COLGALT2: variants seen among roughly 807,000 people sequenced by gnomAD.
The protein encoded by COLGALT2 is collagen beta(1-O)galactosyltransferase 2, also known as procollagen galactosyltransferase 2.
Under a neutral mutation model 73.4 loss-of-function variants are expected in COLGALT2, and 49 were observed. The ratio of observed to expected loss-of-function variants is 0.67; its 90% CI spans 0.53 to 0.85. The LOEUF (loss-of-function observed/expected upper bound fraction) is 0.85. COLGALT2 is among the 40% of genes least tolerant of loss of function. The probability of loss-of-function intolerance (pLI) is 0.00; values close to 1 mark genes in which losing one functional copy is unlikely to be tolerated. For synonymous variants in COLGALT2, 295 were observed against 307.6 expected, an observed-to-expected ratio of 0.96 and a Z score of 0.43; for missense variants, 722 against 790.2, an observed-to-expected ratio of 0.91 and a Z score of 1.03.
intron 1 of COLGALT2, among the ~76,000 whole-genome samples, chr1:184,000,609 C>T (rs892930020): frequency 1.4e-5 from 2 of 143,634 alleles, no homozygotes; most frequent in Admixed American, 1.4e-4. Context: ...GATCCACCCA[C>T]GTGTTTAACA....
intron 6 of COLGALT2, among the ~76,000 whole-genome samples, chr1:183,959,224 C>T (rs2102803142): frequency 6.6e-6 from 1 of 152,252 alleles, no homozygotes; most frequent in Non-Finnish European, 1.5e-5. Context: ...ATCCTGTGTT[C>T]TTTTACTACA....
At chr1:183,978,869 T>G (rs1389246289) in intron 1 of COLGALT2, among the ~76,000 whole-genome samples, 1 of 152,212 alleles carries the variant, frequency 6.6e-6, no homozygotes, top group Non-Finnish European at 1.5e-5. Flanking sequence ...TTTCTATATG[T>G]TTTAACTTTC....
chr1:183,969,210 A>T, intron 5 of COLGALT2, 59 bp downstream of exon 5: 1 of 1,405,512 alleles, frequency 7.1e-7, no homozygotes, highest in Non-Finnish European at 9.7e-7. Context: ...CACAAAACAA[A>T]GGAGCTGGTC....
chr1:183,989,577 C>T (rs1572660437), intron 1 of COLGALT2, among the ~76,000 whole-genome samples: 1 of 152,150 alleles, frequency 6.6e-6, no homozygotes, highest in East Asian at 1.9e-4. Flanking sequence ...AAGGAAGTGT[C>T]CATGTTCTGT....
chr1:183,975,865 C>T (rs1310301925), intron 2 of COLGALT2, among the ~76,000 whole-genome samples: 3 of 152,214 alleles, frequency 2.0e-5, no homozygotes, highest in Non-Finnish European at 2.9e-5. Flanking sequence ...CTGGCACGGA[C>T]ATTGATACTG....
At chr1:183,957,613 T>G (rs1183758780) in intron 6 of COLGALT2, among the ~76,000 whole-genome samples, 3 of 152,188 alleles carry the variant, frequency 2.0e-5, no homozygotes, top group Non-Finnish European at 2.9e-5. Context: ...GCTCTCAGTC[T>G]TTCCTATTCT....
chr1:183,949,803 A>T (rs1334086224), intron 8 of COLGALT2, among the ~76,000 whole-genome samples: 1 of 152,212 alleles, frequency 6.6e-6, no homozygotes, highest in Non-Finnish European at 1.5e-5. Flanking sequence ...ATAATGCATA[A>T]AGTTAAAGAA....
intron 1 of COLGALT2, among the ~76,000 whole-genome samples, chr1:184,033,824 A>G (rs1012142509): frequency 6.6e-6 from 1 of 152,214 alleles, no homozygotes; most frequent in Non-Finnish European, 1.5e-5. Flanking sequence ...TGAGTGGATG[A>G]ATGAGAAGAG....
At chr1:183,959,062 A>G (rs1469778439) in intron 6 of COLGALT2, among the ~76,000 whole-genome samples, 2 of 152,098 alleles carry the variant, frequency 1.3e-5, no homozygotes, top group Non-Finnish European at 2.9e-5. Flanking sequence ...AGGTCATCAC[A>G]GACCTCTCTC....
intron 1 of COLGALT2, among the ~76,000 whole-genome samples, chr1:184,009,826 G>A (rs1418270790): frequency 6.6e-6 from 1 of 152,138 alleles, no homozygotes; most frequent in African/African-American, 2.4e-5. Context: ...CTGCCTCTTG[G>A]TCATAATTTC....
At position 183,940,698 on chromosome 1, in the gene COLGALT2, C is replaced by T. The variant is rs1216608325; in HGVS notation, c.1487G>A (p.Trp496Ter). Residue 496 changes from tryptophan (W) to a stop codon, truncating the protein, a stop_gained, in exon 11 of 12, where the codon TGG becomes TAG. Transcript: ENST00000361927. LOFTEE classifies it high-confidence loss of function. ...CAGAGAGATGACGTAGCCCAGGGTC[C>T]AGTAGGAATAGTCGGCTTCGACCAG... is the stretch of plus-strand genomic sequence containing the variant. Reference protein sequence around the residue: ...ANLVEADYSYWTLGYVISLEG... With the variant: ...ANLVEADYSY The T allele has an allele frequency of 1.9e-6, 3 of 1,614,110 alleles. No individual in the cohort carries two copies. The highest frequency in any genetic ancestry group is 2.5e-6 in the Non-Finnish European group (3 of 1,180,046).
Position 183,939,037 on chromosome 1 carries a change from T to C in COLGALT2, c.1605A>G (p.Val535=). 1 of 1,606,810 alleles carries C rather than the reference T, an allele frequency of 6.2e-7. No individual in the cohort carries two copies. The highest frequency in any genetic ancestry group is 8.5e-7 in the Non-Finnish European group (1 of 1,173,990). Residue 535 remains valine, a splice_region_variant and synonymous_variant, in exon 12 of 12, where the codon GTA becomes GTG. Coordinates refer to ENST00000361927, the MANE Select transcript of COLGALT2 (RefSeq NM_015101.4). The stretch of plus-strand genomic sequence containing the variant: ...ATTCATAATACTCCTTGTACTCGGC[T>C]CTGAAAACAAGAAGGTGGCCGGACA... ...FLPVMYNKHP[V]AEYKEYYESR...
rs1487560870 is a variant in COLGALT2, at chr1:183,936,328, C to T, written c.*2433G>A. The stretch of plus-strand genomic sequence containing the variant: ...GATGACTTTAAAAAAAAAGTCACAT[C>T]TGCGGCTCACAGTGTTCACCAGAAA... On this transcript the variant is annotated 3_prime_UTR_variant, in exon 12 of 12. Coordinates refer to ENST00000361927, the MANE Select transcript of COLGALT2 (RefSeq NM_015101.4). 1.4e-5 allele frequency: 14 copies of T among 981,020 alleles called. No individual in the cohort carries two copies. The highest frequency in any genetic ancestry group is 1.6e-5 in the Non-Finnish European group (13 of 827,652). 60.8% of individuals were successfully genotyped at this position (981,020 alleles called of 1,614,324 possible).
At chr1:183,969,071 G>C (rs111650601) in intron 5 of COLGALT2, among the ~76,000 whole-genome samples, 198 bp downstream of exon 5, 1 of 152,030 alleles carries the variant, frequency 6.6e-6, no homozygotes, top group African/African-American at 2.4e-5. Context: ...CCTGGGTAGA[G>C]GCCAGCCCTG....
intron 5 of COLGALT2, among the ~76,000 whole-genome samples, chr1:183,967,507 C>G (rs1670912085): frequency 6.6e-6 from 1 of 152,220 alleles, no homozygotes; most frequent in South Asian, 2.1e-4. Context: ...ACAGGCCAAG[C>G]ACAGGGCAGA....
intron 10 of COLGALT2, among the ~76,000 whole-genome samples, chr1:183,943,195 T>C (rs1164119212): frequency 1.3e-5 from 2 of 152,162 alleles, no homozygotes; most frequent in Non-Finnish European, 2.9e-5. Flanking sequence ...CATTGCTAGG[T>C]TTCTTCTGAG....
At chr1:183,984,501 C>T (rs1558325644) in intron 1 of COLGALT2, among the ~76,000 whole-genome samples, 1 of 152,198 alleles carries the variant, frequency 6.6e-6, no homozygotes, top group Non-Finnish European at 1.5e-5. Context: ...CAATAACTTT[C>T]CTTTACCTCT....
At chr1:183,996,803 GTAAATACTAC>G (rs1671781404) in intron 1 of COLGALT2, among the ~76,000 whole-genome samples, 1 of 152,204 alleles carries the variant, frequency 6.6e-6, no homozygotes, top group South Asian at 2.1e-4. Flanking sequence ...CTCTAAGAAA[GTAAATACTAC>G]ATGGGTTGAG....
chr1:183,957,754 T>G (rs2102801638), intron 6 of COLGALT2, among the ~76,000 whole-genome samples: 1 of 151,690 alleles, frequency 6.6e-6, no homozygotes, highest in Non-Finnish European at 1.5e-5. Flanking sequence ...CACCATGTAA[T>G]TTTATCTTCA....
Sources: allele counts gnomAD v4.1 joint callset (sites outside exome capture counted in the v4.1 genomes callset), GRCh38; gene constraint gnomAD v4.1.1; transcripts MANE v1.5; gene names NCBI Gene and HGNC (gene_info 2026-07-23, HGNC 2026-07-21).